The following ABCC11 variants were observed in gnomAD, a reference collection of about 807,000 sequenced individuals.
ABCC11 encodes ATP-binding cassette sub-family C member 11.
Under a neutral mutation model 149.3 loss-of-function variants are expected in ABCC11, and 135 were observed. That is an observed-to-expected ratio of 0.90 (90% CI 0.79 to 1.04). The LOEUF is 1.04. ABCC11 is among the 50% of genes least tolerant of loss of function. The pLI is 0.00. For missense variants in ABCC11, 1,680 were observed against 1,722.1 expected, an observed-to-expected ratio of 0.98 and a Z score of 0.43; for synonymous variants, 665 against 671.4, an observed-to-expected ratio of 0.99 and a Z score of 0.15.
intron 23 of ABCC11, among the ~76,000 whole-genome samples, chr16:48,181,478 C>A (rs530137164): frequency 1.3e-5 from 2 of 152,306 alleles, no homozygotes; most frequent in East Asian, 3.9e-4. Flanking sequence ...ATAATCCTCA[C>A]AAGTCTATGA....
At chr16:48,245,351 T>C (rs969361533) in intron 1 of ABCC11, among the ~76,000 whole-genome samples, 1 of 152,236 alleles carries the variant, frequency 6.6e-6, no homozygotes, top group Non-Finnish European at 1.5e-5. Flanking sequence ...GGTGTGACTT[T>C]GGGTGAGAGC....
chr16:48,231,234 G>C (rs1003135901), intron 2 of ABCC11, among the ~76,000 whole-genome samples: 1 of 151,892 alleles, frequency 6.6e-6, no homozygotes, highest in African/African-American at 2.4e-5. Flanking sequence ...TAGATAAATA[G>C]GTAATAGGTG....
intron 6 of ABCC11, among the ~76,000 whole-genome samples, chr16:48,217,159 C>T (rs1969400273): frequency 1.3e-5 from 2 of 152,148 alleles, no homozygotes. Flanking sequence ...TGCTTGGTAA[C>T]ACCACTAATA....
At chr16:48,181,704 A>G (rs1210866746) in intron 23 of ABCC11, among the ~76,000 whole-genome samples, 1 of 151,226 alleles carries the variant, frequency 6.6e-6, no homozygotes, top group Admixed American at 6.6e-5. Context: ...TCTGCCTCCC[A>G]AGTTCACGCC....
In ABCC11 at chr16:48,227,571, T is replaced by C. The variant is rs569328786; in HGVS notation, c.395+235A>G. On this transcript the variant is annotated intron_variant, in intron 4 of 29. Coordinates refer to ENST00000356608, the MANE Select transcript of ABCC11 (RefSeq NM_001370497.1). Reference sequence around the variant, plus strand: ...CTTGTGGTAAGTCTGATAAGAGATGTGAATTCTTGCTCCAGAGAAAGATCT... The same window carrying C: ...CTTGTGGTAAGTCTGATAAGAGATGCGAATTCTTGCTCCAGAGAAAGATCT... Among the ~76,000 whole-genome samples the C allele has an allele frequency of 7.9e-5, 12 of 152,130 alleles. No individual in the cohort carries two copies. In the South Asian group the frequency reaches 2.5e-3, roughly 32 times the overall value.
At chr16:48,165,124 T>G (rs1343000869), downstream of ABCC11, 1 of 152,038 alleles carries the variant, frequency 6.6e-6, no homozygotes, top group Admixed American at 6.6e-5. Flanking sequence ...GAGAGCTCCC[T>G]CACCCGTGAT....
At chr16:48,228,213 T>G (rs1327796207) in intron 3 of ABCC11, among the ~76,000 whole-genome samples, 3 of 144,218 alleles carry the variant, frequency 2.1e-5, no homozygotes, top group East Asian at 2.0e-4. Flanking sequence ...ATGTTTGGGG[T>G]TTTTTTTTTT....
At chr16:48,201,412 C>G (rs1967957823) in intron 14 of ABCC11, among the ~76,000 whole-genome samples, 1 of 151,996 alleles carries the variant, frequency 6.6e-6, no homozygotes, top group South Asian at 2.1e-4. Context: ...TCCTGAGTAG[C>G]TGGGACTACA....
rs1409929152 is a variant in ABCC11, at chr16:48,218,188, C to T, written c.778-1901G>A. Among the ~76,000 whole-genome samples, 5 of 152,194 alleles carry T rather than the reference C, an allele frequency of 3.3e-5. 1 individual carries two copies. The highest frequency in any genetic ancestry group is 3.3e-4 in the Admixed American group (5 of 15,270). On this transcript the variant is annotated intron_variant, in intron 6 of 29. Coordinates refer to ENST00000356608, the MANE Select transcript of ABCC11 (RefSeq NM_001370497.1). Reference sequence around the variant, plus strand: ...GTGTGTGCCTGTAGTCCTAGCTACTCAGGAGGCTGAGAGAGGATGATTGCT... The same window carrying T: ...GTGTGTGCCTGTAGTCCTAGCTACTTAGGAGGCTGAGAGAGGATGATTGCT...
chr16:48,224,550 T>C, intron 4 of ABCC11, 121 bp from the exon 5 acceptor site: 2 of 1,144,698 alleles, frequency 1.7e-6, no homozygotes, highest in African/African-American at 1.5e-5. Context: ...TAGAACAATG[T>C]AGTAATCTTC....
rs137883727 is a variant in ABCC11 at position 48,167,336 on chromosome 16, G to A, written c.4087C>T (p.Arg1363Trp). Residue 1363 changes from arginine (R) to tryptophan (W), a missense_variant, in exon 30 of 30, where the codon CGG becomes TGG. Coordinates refer to ENST00000356608, the MANE Select transcript of ABCC11 (RefSeq NM_001370497.1). ...VVEFDRPEVL[R>W]KKPGSLFAAL... ...GCGAACAATGACCCAGGCTTCTTCC[G>A]CAGTACCTCCGGCCGATCAAATTCT... 9.1e-6 allele frequency: 10 copies of A among 1,104,888 alleles called. No homozygotes were observed. Among genetic ancestry groups the A allele is most frequent in the African/African-American group, 3.1e-5 (2 of 64,690 alleles). 68.4% of individuals were successfully genotyped at this position (1,104,888 alleles called of 1,614,324 possible).
At chr16:48,177,207 A>T in intron 24 of ABCC11, 94 bp from the exon 25 acceptor site, 1 of 1,302,056 alleles carries the variant, frequency 7.7e-7, no homozygotes, top group Non-Finnish European at 1.0e-6. Flanking sequence ...AGGGGGTGTG[A>T]CCCACCCCAG....
At chr16:48,216,395 G>T (rs1969348190) in intron 6 of ABCC11, 108 bp from the exon 7 acceptor site, 1 of 1,109,626 alleles carries the variant, frequency 9.0e-7, no homozygotes, top group Non-Finnish European at 1.3e-6. Context: ...TTGAAAGGAA[G>T]GGTGGAAGAG....
At chr16:48,214,532 G>T (rs72802157) in intron 9 of ABCC11, among the ~76,000 whole-genome samples, 1 of 152,088 alleles carries the variant, frequency 6.6e-6, no homozygotes, top group Non-Finnish European at 1.5e-5. Flanking sequence ...GACTGAAGAC[G>T]CTATACCTTT....
intron 17 of ABCC11, 151 bp downstream of exon 17, chr16:48,197,820 T>G: frequency 1.3e-6 from 1 of 784,256 alleles, no homozygotes; most frequent in Non-Finnish European, 2.0e-6. Flanking sequence ...GGCCCTCAAC[T>G]ACTTGGTTCT....
At chr16:48,215,758 C>G (rs1222546818) in intron 7 of ABCC11, among the ~76,000 whole-genome samples, 2 of 152,188 alleles carry the variant, frequency 1.3e-5, no homozygotes, top group African/African-American at 4.8e-5. Flanking sequence ...CCCCATTATA[C>G]TGTGCTCAGA....
intron 17 of ABCC11, 27 bp downstream of exon 17, chr16:48,197,943 AT>A (rs755998996): frequency 6.2e-7 from 1 of 1,611,044 alleles, no homozygotes; most frequent in Non-Finnish European, 8.5e-7. Flanking sequence ...GCATGCAGAC[AT>A]TCTTGTCCTA....
At chr16:48,231,785 C>T in intron 2 of ABCC11, 38 bp downstream of exon 2, 1 of 1,600,010 alleles carries the variant, frequency 6.2e-7, no homozygotes, top group Non-Finnish European at 8.5e-7. Context: ...TCTGCCAACT[C>T]AGTTTCCTGG....
intron 27 of ABCC11, 82 bp downstream of exon 27, chr16:48,170,807 C>A: frequency 7.7e-7 from 1 of 1,302,128 alleles, no homozygotes; most frequent in South Asian, 1.2e-5. Flanking sequence ...AGCTGGAACA[C>A]CACATGAGAG....
Sources: allele counts gnomAD v4.1 joint callset (sites outside exome capture counted in the v4.1 genomes callset), GRCh38; gene constraint gnomAD v4.1.1; transcripts MANE v1.5; gene names NCBI Gene and HGNC (gene_info 2026-07-23, HGNC 2026-07-21).